IKBKB: variants seen among roughly 807,000 people sequenced by gnomAD.
IKBKB encodes inhibitor of nuclear factor kappa-B kinase subunit beta.
In IKBKB, 42 loss-of-function variants were observed where a neutral mutation model predicts 113.6. The ratio of observed to expected loss-of-function variants is 0.37; its 90% CI spans 0.29 to 0.48. The LOEUF (loss-of-function observed/expected upper bound fraction) is 0.48. Among genes scored for constraint, IKBKB ranks in the 20% least tolerant of loss-of-function variants. The probability of loss-of-function intolerance (pLI) is 0.99; values close to 1 mark genes in which losing one functional copy is unlikely to be tolerated. For missense variants in IKBKB, 673 were observed against 939.7 expected, an observed-to-expected ratio of 0.72 and a Z score of 3.71; for synonymous variants, 296 against 361.3, an observed-to-expected ratio of 0.82 and a Z score of 2.05.
intron 2 of IKBKB, among the ~76,000 whole-genome samples, chr8:42,283,652 G>A (rs577423365): frequency 6.6e-6 from 1 of 152,278 alleles, no homozygotes; most frequent in East Asian, 1.9e-4. Flanking sequence ...ATGGAGCATA[G>A]CCCCACCAAC....
At chr8:42,327,428 G>A (rs371213165) in intron 20 of IKBKB, among the ~76,000 whole-genome samples, 3 of 148,348 alleles carry the variant, frequency 2.0e-5, no homozygotes, top group East Asian at 4.0e-4. Flanking sequence ...CCACCTCTCA[G>A]GTTCAAGTGA....
chr8:42,293,679 G>T, intron 5 of IKBKB, 167 bp downstream of exon 5: 1 of 1,092,814 alleles, frequency 9.2e-7, no homozygotes, highest in Non-Finnish European at 1.3e-6. Flanking sequence ...GGTCAACAAG[G>T]AGTCAGCCAG....
intron 12 of IKBKB, 114 bp from the exon 13 acceptor site, chr8:42,318,438 C>T: frequency 4.2e-6 from 5 of 1,194,894 alleles, no homozygotes; most frequent in Non-Finnish European, 4.8e-6. Flanking sequence ...GTTACATGAT[C>T]CTATAGTAGG....
chr8:42,320,616 C>A (rs1254524069), intron 15 of IKBKB, 119 bp from the exon 16 acceptor site: 2 of 793,572 alleles, frequency 2.5e-6, no homozygotes, highest in Non-Finnish European at 4.3e-6. Context: ...TTCCTTTGAG[C>A]CAGTCCATTG....
At chr8:42,311,982 G>C (rs1817798795) in intron 8 of IKBKB, among the ~76,000 whole-genome samples, 1 of 152,176 alleles carries the variant, frequency 6.6e-6, no homozygotes, top group Non-Finnish European at 1.5e-5. Flanking sequence ...CGCCTCCCGG[G>C]TTCATGCCAT....
chr8:42,309,504 C>T (rs1296115859), intron 8 of IKBKB: 1 of 415,138 alleles, frequency 2.4e-6, no homozygotes, highest in Admixed American at 2.8e-5. Context: ...CCTGTAATCC[C>T]AGCACTTTGG....
chr8:42,329,439 C>T (rs1181074246), intron 21 of IKBKB: 5 of 902,778 alleles, frequency 5.5e-6, no homozygotes, highest in Non-Finnish European at 4.2e-6. Flanking sequence ...TCTCATGCCT[C>T]AGCCTCCTGA....
rs533626590 is a variant in IKBKB, at chr8:42,293,257, T to TCTC, written c.319-169_319-167dup. ...GGGGTGGTCAGGACTGCTTCCTCTT[T>TCTC]CTCCTCCTCCTCCTCCTCCGGCCAA... On this transcript the variant is annotated intron_variant, in intron 4 of 21. Transcript: ENST00000520810. Among the ~76,000 whole-genome samples, 12 of 151,794 alleles carry TCTC rather than the reference T, an allele frequency of 7.9e-5. No individual in the cohort carries two copies. In the East Asian group the frequency reaches 1.4e-3, roughly 17 times the overall value.
rs202136671 is a variant in IKBKB, at chr8:42,318,647, C to T, written c.1336C>T (p.Arg446Trp). ...CCAGACCCTGAAGGAAGATTGCAAC[C>T]GGCTGCAGCAGGGACAGCGAGCCGC... ...SIQTLKEDCN[R>W]LQQGQRAAMM... Residue 446 changes from arginine to tryptophan, a missense_variant, in exon 13 of 22, where the codon CGG becomes TGG. Coordinates refer to ENST00000520810, the MANE Select transcript of IKBKB (RefSeq NM_001556.3). 109 of 1,613,300 alleles carry T rather than the reference C, an allele frequency of 6.8e-5. No homozygotes were observed. Among genetic ancestry groups the T allele is most frequent in the Non-Finnish European group, 8.5e-5 (100 of 1,179,484 alleles).
At position 42,316,809 on chromosome 8, in the gene IKBKB, A is replaced by C; in HGVS notation, c.1030A>C (p.Thr344Pro). 1 of 1,614,170 alleles carries C rather than the reference A, an allele frequency of 6.2e-7. No homozygotes were observed. The highest frequency in any genetic ancestry group is 8.5e-7 in the Non-Finnish European group (1 of 1,180,022). ...CTTGAAGGCCAGAATCCAACAGGAC[A>C]CGGGCATCCCAGAGGAGGACCAGGA... is the stretch of plus-strand genomic sequence containing the variant. ...QSLKARIQQDTGIPEEDQELL... is the reference protein window; with the variant it reads ...QSLKARIQQDPGIPEEDQELL... The change falls in exon 11 of 22, where the codon ACG (threonine) becomes CCG (proline). Residue 344 changes from threonine to proline, a missense_variant. By Grantham distance (38) the Thr-to-Pro change is conservative. This residue lies in a region of IKBKB where 506 missense variants were observed against 638.7 expected (regional missense o/e 0.79). Transcript: ENST00000520810. The surrounding 1 kb of genome is among the most constrained non-coding windows in gnomAD (Gnocchi z 4.5).
rs139581184 is a variant in IKBKB at position 42,306,641 on chromosome 8, C to T, written c.567+209C>T. The stretch of plus-strand genomic sequence containing the variant: ...GGGATGTGGTCGTCTTCTCTGATGT[C>T]CGGAGGGCTCTGCTCATGCGCCTTG... On this transcript the variant is annotated intron_variant, in intron 7 of 21. Transcript: ENST00000520810. Among the ~76,000 whole-genome samples, 48 of 152,342 alleles carry T rather than the reference C, an allele frequency of 3.2e-4. 1 individual carries two copies. Among genetic ancestry groups the T allele is most frequent in the Middle Eastern group, 3.4e-3 (1 of 292 alleles).
At chr8:42,308,575 C>A (rs6988732) in intron 7 of IKBKB, among the ~76,000 whole-genome samples, 1 of 151,984 alleles carries the variant, frequency 6.6e-6, no homozygotes, top group East Asian at 1.9e-4. Context: ...TGGGATTACA[C>A]GTGTGAGCCA....
intron 5 of IKBKB, among the ~76,000 whole-genome samples, chr8:42,303,235 G>A (rs1254342310): frequency 6.6e-6 from 1 of 152,194 alleles, no homozygotes; most frequent in African/African-American, 2.4e-5. Context: ...ACCTCTGAAT[G>A]TTACTGCTTT....
chr8:42,300,014 G>T (rs1585663735), intron 5 of IKBKB, among the ~76,000 whole-genome samples: 1 of 152,228 alleles, frequency 6.6e-6, no homozygotes, highest in East Asian at 1.9e-4. Context: ...TGATTCAGTG[G>T]CATGTTTCCC....
intron 2 of IKBKB, among the ~76,000 whole-genome samples, chr8:42,281,625 A>T (rs1810386909): frequency 6.6e-6 from 1 of 152,044 alleles, no homozygotes. Flanking sequence ...CTGTCCAGTT[A>T]CCTGCTGAGC....
chr8:42,293,780 C>T (rs1241843160), intron 5 of IKBKB, among the ~76,000 whole-genome samples: 2 of 152,182 alleles, frequency 1.3e-5, no homozygotes, highest in Non-Finnish European at 2.9e-5. Context: ...TTTCCTTTCC[C>T]ATTATAAAGC....
chr8:42,328,688 C>T (rs1164048513), intron 20 of IKBKB, among the ~76,000 whole-genome samples: 2 of 152,200 alleles, frequency 1.3e-5, no homozygotes, highest in Non-Finnish European at 2.9e-5. Flanking sequence ...TTAGATGAAA[C>T]CAAATCCCAG....
chr8:42,322,621 G>T (rs775888984), intron 19 of IKBKB, 127 bp downstream of exon 19: 30 of 941,888 alleles, frequency 3.2e-5, no homozygotes, highest in Middle Eastern at 3.4e-4. Flanking sequence ...CTGCTGCTCG[G>T]GCTTCACGTC....
At chr8:42,293,064 A>G (rs1812992397) in intron 4 of IKBKB, among the ~76,000 whole-genome samples, 1 of 152,024 alleles carries the variant, frequency 6.6e-6, no homozygotes, top group Non-Finnish European at 1.5e-5. Context: ...GGAGGGTGGT[A>G]TCCAGTCATG....
Sources: allele counts gnomAD v4.1 joint callset (sites outside exome capture counted in the v4.1 genomes callset), GRCh38; gene constraint gnomAD v4.1.1; regional missense constraint gnomAD v4.1.1; non-coding constraint Gnocchi (gnomAD v3.1); transcripts MANE v1.5; gene names NCBI Gene and HGNC (gene_info 2026-07-23, HGNC 2026-07-21).